The following ICOS variants were observed in gnomAD, a reference collection of about 807,000 sequenced individuals.
The protein encoded by ICOS is inducible T cell costimulator, also known as inducible T-cell costimulator.
A neutral mutation model predicts 24.6 loss-of-function variants in ICOS; 15 were observed. The ratio of observed to expected loss-of-function variants is 0.61; its 90% CI spans 0.41 to 0.94. The LOEUF is 0.94. Among genes scored for constraint, ICOS ranks in the 40% least tolerant of loss-of-function variants. The pLI is 0.00. For missense variants in ICOS, 200 were observed against 233.0 expected (o/e 0.86, Z 0.92); for synonymous variants, 89 against 77.5 (o/e 1.15, Z -0.78).
Position 203,960,557 on chromosome 2 carries a change from G to T in ICOS, c.*958G>T, listed in dbSNP as rs1019159503. On this transcript the variant is annotated 3_prime_UTR_variant, in exon 5 of 5. Coordinates refer to ENST00000316386, the MANE Select transcript of ICOS (RefSeq NM_012092.4). The stretch of plus-strand genomic sequence containing the variant: ...GTTTTCATGGTGCTATTAATTACAA[G>T]TTTAGTTCTTTTTGTAGATCATATT... The T allele has an allele frequency of 1.3e-5, 2 of 152,078 alleles. No homozygotes were observed. Among genetic ancestry groups the T allele is most frequent in the Non-Finnish European group, 2.9e-5 (2 of 68,012 alleles). The allele number at this position is 152,078 out of a possible 1,614,324, so 9.4% of individuals were successfully genotyped here.
intron 1 of ICOS, among the ~76,000 whole-genome samples, chr2:203,952,090 T>C (rs1481833800): frequency 6.6e-6 from 1 of 152,210 alleles, no homozygotes; most frequent in Non-Finnish European, 1.5e-5. Flanking sequence ...TGAATAATGC[T>C]AAAGCATACT....
chr2:203,937,276 T>C (rs1243307556), intron 1 of ICOS, among the ~76,000 whole-genome samples: 1 of 152,124 alleles, frequency 6.6e-6, no homozygotes, highest in Non-Finnish European at 1.5e-5. Context: ...GAAAATAAAA[T>C]GGGAAGTCTT....
chr2:203,947,686 T>C (rs1689898136), intron 1 of ICOS, among the ~76,000 whole-genome samples: 1 of 152,174 alleles, frequency 6.6e-6, no homozygotes, highest in African/African-American at 2.4e-5. Flanking sequence ...CAGTATTCTA[T>C]GTGATGAAGA....
At chr2:203,951,048 C>T (rs1192831596) in intron 1 of ICOS, among the ~76,000 whole-genome samples, 1 of 148,498 alleles carries the variant, frequency 6.7e-6, no homozygotes, top group Non-Finnish European at 1.5e-5. Flanking sequence ...GGTGACAGAA[C>T]AAGACTCCAT....
chr2:203,943,329 T>TC (rs1301013209), intron 1 of ICOS, among the ~76,000 whole-genome samples: 1 of 151,738 alleles, frequency 6.6e-6, no homozygotes, highest in East Asian at 1.9e-4. Flanking sequence ...CTTCAGATTT[T>TC]TTTTTTGTCC....
intron 1 of ICOS, among the ~76,000 whole-genome samples, chr2:203,945,661 G>A (rs1689854983): frequency 1.3e-5 from 2 of 152,146 alleles, no homozygotes; most frequent in South Asian, 4.1e-4. Flanking sequence ...TAGCACAATG[G>A]TAAATATTTG....
At position 203,955,691 on chromosome 2, in the gene ICOS, A is replaced by G; in HGVS notation, c.114A>G (p.Val38=). 6.2e-7 allele frequency: 1 copy of G among 1,613,660 alleles called. No individual in the cohort carries two copies. The highest frequency in any genetic ancestry group is 1.7e-4 in the Middle Eastern group (1 of 6,054). Reference sequence around the variant, plus strand: ...TGTTTATATTTCACAACGGAGGTGTACAAATTTTATGCAAATATCCTGACA... The same window carrying G: ...TGTTTATATTTCACAACGGAGGTGTGCAAATTTTATGCAAATATCCTGACA... The part of the protein sequence containing the change: ...YEMFIFHNGG[V]QILCKYPDIV... The change falls in exon 2 of 5, where the codon GTA becomes GTG. Residue 38 remains valine (V), a synonymous_variant. Coordinates refer to ENST00000316386, the MANE Select transcript of ICOS (RefSeq NM_012092.4).
At chr2:203,952,539 A>G (rs1017839913) in intron 1 of ICOS, among the ~76,000 whole-genome samples, 6 of 152,078 alleles carry the variant, frequency 3.9e-5, no homozygotes, top group African/African-American at 1.4e-4. Flanking sequence ...TATGCTTGTG[A>G]ATTGTTGGGA....
chr2:203,940,676 A>C (rs1409744360), intron 1 of ICOS, among the ~76,000 whole-genome samples: 2 of 152,142 alleles, frequency 1.3e-5, no homozygotes, highest in South Asian at 2.1e-4. Context: ...AAAAAAAAAA[A>C]AACTCTAGAA....
At chr2:203,942,234 A>G (rs1689790671) in intron 1 of ICOS, among the ~76,000 whole-genome samples, 1 of 152,254 alleles carries the variant, frequency 6.6e-6, no homozygotes, top group Non-Finnish European at 1.5e-5. Flanking sequence ...TGCAAAAACA[A>G]CAATAACAAC....
At chr2:203,945,860 G>T (rs1178071265) in intron 1 of ICOS, among the ~76,000 whole-genome samples, 1 of 152,168 alleles carries the variant, frequency 6.6e-6, no homozygotes, top group Non-Finnish European at 1.5e-5. Flanking sequence ...AAAGGAATTT[G>T]GAAACAAGGA....
At chr2:203,956,008 TA>T (rs765024625) in intron 2 of ICOS, 37 bp downstream of exon 2, 20 of 1,448,298 alleles carry the variant, frequency 1.4e-5, no homozygotes, top group Non-Finnish European at 1.9e-5. Context: ...CTTAAGAGTA[TA>T]TATATGTTTT....
intron 1 of ICOS, among the ~76,000 whole-genome samples, chr2:203,950,725 C>T (rs564708906): frequency 5.3e-5 from 8 of 152,156 alleles, no homozygotes; most frequent in African/African-American, 7.2e-5. Flanking sequence ...AATAAATAGG[C>T]GATCCAGGTA....
At chr2:203,940,958 G>T (rs1689758656) in intron 1 of ICOS, among the ~76,000 whole-genome samples, 1 of 152,096 alleles carries the variant, frequency 6.6e-6, no homozygotes. Flanking sequence ...TAATTTTTTT[G>T]TATTTTTCGT....
chr2:203,943,993 C>T (rs1222849961), intron 1 of ICOS, among the ~76,000 whole-genome samples: 1 of 152,164 alleles, frequency 6.6e-6, no homozygotes, highest in Non-Finnish European at 1.5e-5. Flanking sequence ...TCTAATCATG[C>T]CTCCTCTAAC....
intron 1 of ICOS, among the ~76,000 whole-genome samples, chr2:203,954,799 A>G (rs1690048526): frequency 6.6e-6 from 1 of 151,026 alleles, no homozygotes; most frequent in African/African-American, 2.4e-5. Flanking sequence ...GTATACAATT[A>G]TTTGTATATA....
chr2:203,948,122 A>G (rs1689905248), intron 1 of ICOS, among the ~76,000 whole-genome samples: 1 of 152,218 alleles, frequency 6.6e-6, no homozygotes, highest in Admixed American at 6.5e-5. Flanking sequence ...GTATTTATGA[A>G]CCCAGTGGAT....
Position 203,936,832 on chromosome 2 carries a change from G to C in ICOS, c.18G>C (p.Trp6Cys). 6.2e-7 allele frequency: 1 copy of C among 1,613,216 alleles called. No individual in the cohort carries two copies. Among genetic ancestry groups the C allele is most frequent in the Non-Finnish European group, 8.5e-7 (1 of 1,179,446 alleles). Residue 6 changes from tryptophan (W) to cysteine (C), a missense_variant, in exon 1 of 5, where the codon TGG (tryptophan) becomes TGC (cysteine). Transcript: ENST00000316386. Reference protein sequence around the residue: MKSGLWYFFLFCLRIK... With the variant: MKSGLCYFFLFCLRIK... ...TGGCAAACATGAAGTCAGGCCTCTG[G>C]TATTTCTTTCTCTTCTGCTTGCGCA...
Position 203,960,084 on chromosome 2 carries a change from G to A in ICOS, c.*485G>A, listed in dbSNP as rs1690151040. 4.2e-6 allele frequency: 1 copy of A among 239,754 alleles called. No homozygotes were observed. Among genetic ancestry groups the A allele is most frequent in the Non-Finnish European group, 8.3e-6 (1 of 120,800 alleles). The allele number at this position is 239,754 out of a possible 1,614,324, so 14.9% of individuals were successfully genotyped here. On this transcript the variant is annotated 3_prime_UTR_variant, in exon 5 of 5. Transcript: ENST00000316386. ...CAGTCAAGGGAGATGCTTCAAAGCT[G>A]GAGCTATTTTATTTCTGAGATGTTG...
Sources: gnomAD v4.1 joint callset for allele counts (sites outside exome capture counted in the v4.1 genomes callset) on GRCh38, gnomAD v4.1.1 for gene constraint, MANE v1.5 for transcripts, NCBI Gene and HGNC (gene_info 2026-07-23, HGNC 2026-07-21) for gene names.